Variants in ATF7 observed in about 807,000 individuals in gnomAD.
The protein encoded by ATF7 is cyclic AMP-dependent transcription factor ATF-7.
Under a neutral mutation model 50.4 loss-of-function variants are expected in ATF7, and 10 were observed. The observed-to-expected ratio is 0.20, with a 90% CI of 0.12 to 0.34. ATF7 has a LOEUF of 0.34. Among genes scored for constraint, ATF7 ranks in the 10% least tolerant of loss-of-function variants. The pLI, the probability that ATF7 is intolerant of heterozygous loss-of-function variation, is 1.00. For missense variants in ATF7, 465 were observed against 613.9 expected (o/e 0.76, Z 2.56); for synonymous variants, 201 against 226.4 (o/e 0.89, Z 1.01).
At chr12:53,624,772 CTGAAA>C (rs983261102) in intron 1 of ATF7, among the ~76,000 whole-genome samples, 6 of 152,170 alleles carry the variant, frequency 3.9e-5, no homozygotes, top group African/African-American at 1.4e-4. Context: ...TTTCACTTTC[CTGAAA>C]TAACATGTCT....
At chr12:53,529,859 G>A (rs1938757847) in intron 9 of ATF7, among the ~76,000 whole-genome samples, 1 of 150,372 alleles carries the variant, frequency 6.7e-6, no homozygotes, top group Admixed American at 6.6e-5. Flanking sequence ...TTCTGCCTCG[G>A]CCTCTTGAAT....
intron 2 of ATF7, among the ~76,000 whole-genome samples, chr12:53,575,130 G>A (rs1356347266): frequency 6.6e-6 from 1 of 151,908 alleles, no homozygotes; most frequent in Non-Finnish European, 1.5e-5. Flanking sequence ...AAACTAGGCT[G>A]GGTGTGGTGG....
intron 2 of ATF7, among the ~76,000 whole-genome samples, chr12:53,564,045 G>A (rs1179408159): frequency 2.0e-5 from 3 of 152,110 alleles, no homozygotes; most frequent in Admixed American, 2.0e-4. Context: ...CTTTCTTAGG[G>A]TATCTGATTC....
intron 2 of ATF7, among the ~76,000 whole-genome samples, chr12:53,586,935 C>T (rs1246266189): frequency 2.0e-5 from 3 of 152,188 alleles, no homozygotes; most frequent in Non-Finnish European, 4.4e-5. Flanking sequence ...CCCAGTGAGG[C>T]AGTCTCAGTT....
rs541126211 is a variant in ATF7, at chr12:53,519,033, A to G, written c.1235-1679T>C. ...TGTGCCACTGCACTCCAGCCTGGGC[A>G]ACAGAGCGAGACTCCGTCTCAAAAA... On this transcript the variant is annotated intron_variant, in intron 11 of 11. Transcript: ENST00000420353. Among the ~76,000 whole-genome samples, 125 of 151,732 alleles carry G rather than the reference A, an allele frequency of 8.2e-4. 1 individual carries two copies. Among genetic ancestry groups the G allele is most frequent in the African/African-American group, 2.8e-3 (115 of 41,278 alleles).
chr12:53,542,090 G>A (rs1228360268), intron 4 of ATF7, among the ~76,000 whole-genome samples: 4 of 146,046 alleles, frequency 2.7e-5, no homozygotes. Context: ...ACGGGTGTGA[G>A]CCACTGCGCC....
intron 1 of ATF7, among the ~76,000 whole-genome samples, chr12:53,604,832 C>T (rs564275805): frequency 1.7e-4 from 26 of 152,196 alleles, no homozygotes; most frequent in Admixed American, 1.6e-3. Flanking sequence ...CATTCAGAAA[C>T]CACTAATAAG....
At chr12:53,610,943 CGGCCTCTTGAGTAGCTG>C (rs1943844880) in intron 1 of ATF7, among the ~76,000 whole-genome samples, 1 of 151,910 alleles carries the variant, frequency 6.6e-6, no homozygotes, top group Non-Finnish European at 1.5e-5. Context: ...CCTCCTGTCT[CGGCCTCTTGAGTAGCTG>C]GGACTATAGG....
chr12:53,604,220 G>A (rs971480527), intron 1 of ATF7, among the ~76,000 whole-genome samples: 1 of 152,084 alleles, frequency 6.6e-6, no homozygotes, highest in African/African-American at 2.4e-5. Flanking sequence ...CTGTCCTAGA[G>A]GCCAACATCT....
chr12:53,553,115 G>T lies in ATF7; in HGVS notation c.49-478C>A, dbSNP rs1480676904. Among the ~76,000 whole-genome samples, 6 of 152,286 alleles carry T rather than the reference G, an allele frequency of 3.9e-5. No homozygotes were observed. In the East Asian group the frequency reaches 1.2e-3, roughly 29 times the overall value. On this transcript the variant is annotated intron_variant, in intron 2 of 11. Transcript: ENST00000420353. ...GCTAACAGGGAGATAAATTATGCAG[G>T]ATTAGGAGAACCATTTAACTTCTTG...
intron 1 of ATF7, among the ~76,000 whole-genome samples, chr12:53,621,867 T>C (rs143318976): frequency 4.1e-5 from 6 of 148,064 alleles, no homozygotes; most frequent in African/African-American, 1.5e-4. Context: ...TAGAGTGCAA[T>C]AAAATAGAAG....
At chr12:53,564,612 C>T (rs1374827323) in intron 2 of ATF7, among the ~76,000 whole-genome samples, 3 of 152,172 alleles carry the variant, frequency 2.0e-5, no homozygotes, top group African/African-American at 7.2e-5. Flanking sequence ...TTTAAAAAAT[C>T]GTACACTCCA....
At chr12:53,526,348 AGAT>A (rs1938471325) in intron 9 of ATF7, among the ~76,000 whole-genome samples, 1 of 151,816 alleles carries the variant, frequency 6.6e-6, no homozygotes, top group South Asian at 2.1e-4. Context: ...CTCAATGCGA[AGAT>A]GATGAGGAGG....
chr12:53,601,016 G>C lies in ATF7; in HGVS notation c.-16C>G. 1 of 1,611,036 alleles carries C rather than the reference G, an allele frequency of 6.2e-7. No individual in the cohort carries two copies. The highest frequency in any genetic ancestry group is 8.5e-7 in the Non-Finnish European group (1 of 1,178,424). On this transcript the variant is annotated 5_prime_UTR_variant, in exon 2 of 12. Transcript: ENST00000420353. ...CGTCTCCCATATTTCATATAGCAGA[G>C]AGGAGCTGAGGAGGGGGAGGTGAGG...
rs2137975083 is a variant in ATF7 at position 53,626,291 on chromosome 12, C to T, written c.-34G>A. On this transcript the variant is annotated 5_prime_UTR_variant, in exon 1 of 12. Transcript: ENST00000420353. ...TAAAAGGACTTACCGGCTGGTAGCTCCGTTGCCTCCCGCCTGCCCGCGCTC... is the reference window on the plus strand; with the variant it reads ...TAAAAGGACTTACCGGCTGGTAGCTTCGTTGCCTCCCGCCTGCCCGCGCTC... 6.5e-6 allele frequency: 1 copy of T among 153,024 alleles called. No homozygotes were observed. The highest frequency in any genetic ancestry group is 2.1e-4 in the South Asian group (1 of 4,836). The allele number at this position is 153,024 out of a possible 1,614,324, so 9.5% of individuals were successfully genotyped here. A position where few individuals can be genotyped will look rare whatever the true frequency, so the allele number is the denominator to read the frequency against.
intron 2 of ATF7, among the ~76,000 whole-genome samples, chr12:53,588,182 C>T (rs1039276184): frequency 2.0e-5 from 3 of 152,086 alleles, no homozygotes; most frequent in Admixed American, 1.3e-4. Flanking sequence ...TAAATTATTT[C>T]ATGTAAATAT....
chr12:53,509,338 C>T (rs752835715), downstream of ATF7, among the ~76,000 whole-genome samples: 163 of 151,506 alleles, frequency 1.1e-3, 1 homozygote, highest in Admixed American at 4.6e-3. Context: ...TCTCCTCAGA[C>T]AGTCTTCGGA....
At chr12:53,568,309 G>T (rs537173512) in intron 2 of ATF7, among the ~76,000 whole-genome samples, 1 of 152,022 alleles carries the variant, frequency 6.6e-6, no homozygotes, top group Admixed American at 6.6e-5. Flanking sequence ...AGGTGAGGAG[G>T]GGGAGAGAAC....
rs201947521 is a variant in ATF7 at position 53,600,966 on chromosome 12, G to C, written c.35C>G (p.Pro12Arg). Residue 12 changes from proline to arginine, a missense_variant, in exon 2 of 12, where the codon CCG becomes CGG. By Grantham distance (103) the Pro-to-Arg change is moderately radical. Transcript: ENST00000420353. The part of the protein sequence containing the change: ...GDDRPFVCNA[P>R]GCGQRFTNED... ...TTGTAAACGTACCTGTCCACAGCCC[G>C]GGGCATTGCACACAAACGGTCTGTC... 2.8e-5 allele frequency: 45 copies of C among 1,613,180 alleles called. No homozygotes were observed. The highest frequency in any genetic ancestry group is 3.6e-5 in the Non-Finnish European group (43 of 1,179,612).
Sources: gnomAD v4.1 joint callset for allele counts (sites outside exome capture counted in the v4.1 genomes callset) on GRCh38, gnomAD v4.1.1 for gene constraint, MANE v1.5 for transcripts, NCBI Gene and HGNC (gene_info 2026-07-23, HGNC 2026-07-21) for gene names.